The following CATSPERE variants were observed in gnomAD, a reference collection of about 807,000 sequenced individuals.
The protein encoded by CATSPERE is cation channel sperm-associated auxiliary subunit epsilon.
CATSPERE carries 93 observed loss-of-function variants against 114.1 expected under a neutral mutation model. The observed-to-expected ratio is 0.81, with a 90% CI of 0.69 to 0.97. The LOEUF (loss-of-function observed/expected upper bound fraction) is 0.97, where lower values mean the gene tolerates loss of function less well. Ranked by LOEUF, CATSPERE falls within the 50% of genes least tolerant of loss-of-function variation. CATSPERE has a pLI of 0.00. For synonymous variants in CATSPERE, 341 were observed against 384.1 expected (o/e 0.89, Z 1.31); for missense variants, 1,058 against 1,131.6 (o/e 0.93, Z 0.93).
At chr1:244,537,286 A>G (rs1057324783) in intron 8 of CATSPERE, among the ~76,000 whole-genome samples, 10 of 151,934 alleles carry the variant, frequency 6.6e-5, no homozygotes, top group Non-Finnish European at 2.9e-5. Flanking sequence ...CTACTATATG[A>G]TTTTTCTTCT....
At chr1:244,588,272 G>A (rs948835110) in intron 13 of CATSPERE, among the ~76,000 whole-genome samples, 3 of 151,144 alleles carry the variant, frequency 2.0e-5, no homozygotes, top group Non-Finnish European at 4.4e-5. Context: ...CAACTTTTGG[G>A]CCTCATGAGC....
At chr1:244,482,755 A>C (rs1442400212) in intron 5 of CATSPERE, among the ~76,000 whole-genome samples, 1 of 152,154 alleles carries the variant, frequency 6.6e-6, no homozygotes, top group African/African-American at 2.4e-5. Context: ...TACCAATCAC[A>C]TTCTATTCAC....
At chr1:244,556,171 T>C (rs1413005859) in intron 9 of CATSPERE, among the ~76,000 whole-genome samples, 1 of 152,126 alleles carries the variant, frequency 6.6e-6, no homozygotes, top group Non-Finnish European at 1.5e-5. Context: ...ACACTCTAGC[T>C]TGGGTGACAG....
intron 4 of CATSPERE, among the ~76,000 whole-genome samples, chr1:244,479,075 C>G (rs1283776496): frequency 6.9e-6 from 1 of 144,052 alleles, no homozygotes; most frequent in African/African-American, 2.6e-5. Context: ...AAGTAAGGGA[C>G]TCCCTTTCCT....
At chr1:244,587,758 T>A (rs932498736) in intron 13 of CATSPERE, among the ~76,000 whole-genome samples, 42 of 152,356 alleles carry the variant, frequency 2.8e-4, no homozygotes, top group Middle Eastern at 3.4e-3. Flanking sequence ...TGATGCTCAG[T>A]ACCCTGAGAA....
At chr1:244,470,523 G>A (rs550971196) in intron 2 of CATSPERE, among the ~76,000 whole-genome samples, 4 of 152,152 alleles carry the variant, frequency 2.6e-5, no homozygotes, top group Non-Finnish European at 4.4e-5. Flanking sequence ...ACAAGTGTTC[G>A]TGGGGATGTA....
At chr1:244,463,996 A>T (rs1186995763) in intron 2 of CATSPERE, 40 bp downstream of exon 2, 1 of 1,436,522 alleles carries the variant, frequency 7.0e-7, no homozygotes, top group South Asian at 1.2e-5. Flanking sequence ...TTAAATATTA[A>T]ATTTTTTGAA....
chr1:244,614,464 C>G (rs1303004941), intron 19 of CATSPERE, among the ~76,000 whole-genome samples: 2 of 152,240 alleles, frequency 1.3e-5, no homozygotes, highest in Non-Finnish European at 2.9e-5. Context: ...CCATACAACT[C>G]TACGCACAAC....
Position 244,580,781 on chromosome 1 carries a change from G to A in CATSPERE, c.1951-1015G>A, listed in dbSNP as rs143188807. Among the ~76,000 whole-genome samples, 1,436 of 152,016 alleles carry A rather than the reference G, an allele frequency of 9.4e-3. 23 individuals carry two copies. Among genetic ancestry groups the A allele is most frequent in the African/African-American group, 0.033 (1,369 of 41,446 alleles). ...TCTGGGAGGCCGAGGCAGGTGGATC[G>A]CCTGAGGTCGGGAGTTCAAGACCAG... is the stretch of plus-strand genomic sequence containing the variant. On this transcript the variant is annotated intron_variant, in intron 11 of 21. Transcript: ENST00000366534.
Position 244,621,072 on chromosome 1 carries a change from AAT to A in CATSPERE, c.2648+3396_2648+3397del, listed in dbSNP as rs1386602724. Among the ~76,000 whole-genome samples, 34 of 67,554 alleles carry A rather than the reference AAT, an allele frequency of 5.0e-4. 1 individual carries two copies. Among genetic ancestry groups the A allele is most frequent in the African/African-American group, 2.1e-3 (33 of 15,874 alleles). 44.3% of individuals were successfully genotyped at this position (67,554 alleles called of 152,430 possible). On this transcript the variant is annotated intron_variant, in intron 20 of 21. Coordinates refer to ENST00000366534, the MANE Select transcript of CATSPERE (RefSeq NM_001130957.2). ...TATAAATATATATAAATATATATAA[AAT>A]ATATATATAAATATATATAAAATAT...
chr1:244,489,766 C>T lies in CATSPERE; in HGVS notation c.327-681C>T, dbSNP rs909333552. 2.0e-5 allele frequency among the ~76,000 whole-genome samples: 3 copies of T among 152,046 alleles called. No individual in the cohort carries two copies. The South Asian group carries it at 6.2e-4, about 32-fold the overall frequency. Reference sequence around the variant, plus strand: ...TCAGAAGGGAGAAAACTTTAACTGCCATCTCCACTTTACGCCTGAGTTGCT... The same window carrying T: ...TCAGAAGGGAGAAAACTTTAACTGCTATCTCCACTTTACGCCTGAGTTGCT... On this transcript the variant is annotated intron_variant, in intron 5 of 21. Coordinates refer to ENST00000366534, the MANE Select transcript of CATSPERE (RefSeq NM_001130957.2).
intron 20 of CATSPERE, among the ~76,000 whole-genome samples, chr1:244,621,171 A>AAATATATC: frequency 2.6e-5 from 3 of 113,548 alleles, no homozygotes; most frequent in Non-Finnish European, 5.0e-5. Flanking sequence ...TATATTATAT[A>AAATATATC]TAGATATATT....
chr1:244,625,089 A>C (rs1672930304), intron 20 of CATSPERE, among the ~76,000 whole-genome samples: 1 of 151,988 alleles, frequency 6.6e-6, no homozygotes, highest in Admixed American at 6.6e-5. Flanking sequence ...TGGCATCTAG[A>C]ATGGTGAATA....
chr1:244,525,030 A>C (rs918301862), intron 8 of CATSPERE, among the ~76,000 whole-genome samples: 1 of 145,944 alleles, frequency 6.9e-6, no homozygotes, highest in African/African-American at 2.7e-5. Flanking sequence ...CTATAAAGAC[A>C]CATGCACACG....
At chr1:244,526,642 GTCTTTT>G (rs1182147613) in intron 8 of CATSPERE, among the ~76,000 whole-genome samples, 1 of 145,472 alleles carries the variant, frequency 6.9e-6, no homozygotes, top group Non-Finnish European at 1.5e-5. Context: ...GATTGGCTTA[GTCTTTT>G]TCTTTTTTTT....
chr1:244,606,324 C>T (rs1400860780), intron 18 of CATSPERE, among the ~76,000 whole-genome samples: 2 of 152,064 alleles, frequency 1.3e-5, no homozygotes, highest in Non-Finnish European at 2.9e-5. Flanking sequence ...CTTACCACTC[C>T]CAATCAACAC....
chr1:244,481,607 A>G lies in CATSPERE; in HGVS notation c.326+1823A>G, dbSNP rs1670273100. On this transcript the variant is annotated intron_variant, in intron 5 of 21. Transcript: ENST00000366534. ...AGATAATCTGTTGCCATAAGACTGT[A>G]TGTTTGTGTCCCACCCCATTTACCC... Among the ~76,000 whole-genome samples, 3 of 152,136 alleles carry G rather than the reference A, an allele frequency of 2.0e-5. No individual in the cohort carries two copies. The South Asian group carries it at 6.2e-4, about 32-fold the overall frequency.
chr1:244,623,126 G>C (rs1220512460), intron 20 of CATSPERE, among the ~76,000 whole-genome samples: 5 of 145,532 alleles, frequency 3.4e-5, no homozygotes, highest in Non-Finnish European at 7.6e-5. Context: ...GGACTGAAGT[G>C]CAGTGCAGTG....
At chr1:244,621,297 A>AGATATATTTATATAGATATATCTATAT (rs1213117000) in intron 20 of CATSPERE, among the ~76,000 whole-genome samples, 2 of 118,776 alleles carry the variant, frequency 1.7e-5, no homozygotes, top group African/African-American at 7.4e-5. Context: ...ATATCTATAT[A>AGATATATTTATATAGATATATCTATAT]AATATATAAA....
Sources: allele counts gnomAD v4.1 joint callset (sites outside exome capture counted in the v4.1 genomes callset), GRCh38; gene constraint gnomAD v4.1.1; transcripts MANE v1.5; gene names NCBI Gene and HGNC (gene_info 2026-07-23, HGNC 2026-07-21).